Variants in SCUBE2 observed in about 807,000 individuals in gnomAD.
SCUBE2 encodes the protein signal peptide, CUB and EGF-like domain-containing protein 2.
Under a neutral mutation model 125.9 loss-of-function variants are expected in SCUBE2, and 114 were observed. That is an observed-to-expected ratio of 0.91 (90% CI 0.78 to 1.06). The LOEUF is 1.06. Among genes scored for constraint, SCUBE2 ranks in the 50% least tolerant of loss-of-function variants. The pLI, the probability that SCUBE2 is intolerant of heterozygous loss-of-function variation, is 0.00. For synonymous variants in SCUBE2, 459 were observed against 492.9 expected (o/e 0.93, Z 0.91); for missense variants, 1,255 against 1,301.8 (o/e 0.96, Z 0.55).
chr11:9,053,426 G>C (rs1858645232), intron 11 of SCUBE2, among the ~76,000 whole-genome samples: 1 of 152,246 alleles, frequency 6.6e-6, no homozygotes, highest in Non-Finnish European at 1.5e-5. Flanking sequence ...GAAAACAGAA[G>C]TGAGTTCCAA....
intron 21 of SCUBE2, 171 bp from the exon 22 acceptor site, chr11:9,022,126 A>C: frequency 3.6e-6 from 2 of 563,040 alleles, no homozygotes; most frequent in South Asian, 2.0e-5. Context: ...TCCCACCACC[A>C]CCTCTCTTCA....
chr11:9,054,138 G>A (rs958495461), intron 10 of SCUBE2, among the ~76,000 whole-genome samples: 8 of 151,672 alleles, frequency 5.3e-5, no homozygotes, highest in Admixed American at 6.6e-5. Flanking sequence ...CTGGGATTAC[G>A]GGCATGTGCC....
At position 9,050,699 on chromosome 11, in the gene SCUBE2, T is replaced by C; in HGVS notation, c.1546A>G (p.Ile516Val). 1 of 1,613,516 alleles carries C rather than the reference T, an allele frequency of 6.2e-7. No homozygotes were observed. Among genetic ancestry groups the C allele is most frequent in the Non-Finnish European group, 8.5e-7 (1 of 1,179,364 alleles). The change falls in exon 14 of 23, where the codon ATC (isoleucine) becomes GTC (valine). Residue 516 changes from isoleucine (I) to valine (V), a missense_variant. Physicochemically the swap from Ile to Val is conservative, Grantham distance 29. Transcript: ENST00000649792. The stretch of plus-strand genomic sequence containing the variant: ...AGCTTAAAGGTTACACTTGTCCTGA[T>C]GGTGGTGACATCTTCAGAAAGAAAC... ...NDSAFGDVTT[I>V]RTSVTFKLNE...
intron 13 of SCUBE2, among the ~76,000 whole-genome samples, chr11:9,051,589 C>T (rs183790204): frequency 3.9e-5 from 6 of 152,226 alleles, no homozygotes; most frequent in Non-Finnish European, 7.4e-5. Context: ...CTTAACCATC[C>T]GGTAGGATCT....
rs1405250945 is a variant in SCUBE2 at position 9,033,659 on chromosome 11, T to C, written c.2140A>G (p.Thr714Ala). 1 of 1,613,980 alleles carries C rather than the reference T, an allele frequency of 6.2e-7. No homozygotes were observed. Among genetic ancestry groups the C allele is most frequent in the South Asian group, 1.1e-5 (1 of 91,066 alleles). ...PRPGNSGALK[T>A]PEAWNMSECG... is the part of the protein sequence containing the mutation. ...TCAGACATATTCCAAGCTTCTGGGG[T>C]CTTCAGGGCCCCAGAATTTCCTGGT... The change falls in exon 17 of 23, where the codon ACC becomes GCC. Residue 714 changes from threonine to alanine, a missense_variant. Coordinates refer to ENST00000649792, the MANE Select transcript of SCUBE2 (RefSeq NM_001367977.2).
chr11:9,049,187 T>C (rs1858099205), intron 14 of SCUBE2, among the ~76,000 whole-genome samples: 1 of 152,224 alleles, frequency 6.6e-6, no homozygotes, highest in Non-Finnish European at 1.5e-5. Context: ...AACTAAGACA[T>C]TAACACTAGT....
intron 16 of SCUBE2, among the ~76,000 whole-genome samples, chr11:9,046,558 T>C (rs1275062230): frequency 6.6e-6 from 1 of 152,110 alleles, no homozygotes; most frequent in Non-Finnish European, 1.5e-5. Context: ...AGTGTAACCC[T>C]GAGAGGCCAG....
chr11:9,051,261 C>CCTATCTAT (rs1566200940), intron 13 of SCUBE2, among the ~76,000 whole-genome samples: 1 of 137,768 alleles, frequency 7.3e-6, no homozygotes. Context: ...TATCTATCTA[C>CCTATCTAT]CTATCTATCT....
chr11:9,027,630 C>A, intron 19 of SCUBE2, 69 bp from the exon 20 acceptor site: 1 of 1,404,130 alleles, frequency 7.1e-7, no homozygotes, highest in South Asian at 1.3e-5. Flanking sequence ...GCTAGCTTGC[C>A]GAGCCCCGCA....
chr11:9,082,674 C>T (rs1048073866), intron 2 of SCUBE2, among the ~76,000 whole-genome samples: 12 of 152,206 alleles, frequency 7.9e-5, no homozygotes, highest in African/African-American at 2.9e-4. Flanking sequence ...TAAGCTACCA[C>T]ATGGACAAAC....
chr11:9,086,935 C>G (rs1471209440), intron 2 of SCUBE2, among the ~76,000 whole-genome samples: 1 of 151,380 alleles, frequency 6.6e-6, no homozygotes, highest in Admixed American at 6.6e-5. Context: ...TCAAATTCTT[C>G]TAGGGTTTGA....
intron 3 of SCUBE2, among the ~76,000 whole-genome samples, chr11:9,076,219 C>A (rs1293948040): frequency 6.6e-6 from 1 of 152,004 alleles, no homozygotes; most frequent in Non-Finnish European, 1.5e-5. Flanking sequence ...CTGCCAGGGG[C>A]AGGGAGGAGG....
At chr11:9,022,843 C>G (rs1237137394) in intron 21 of SCUBE2, 2 of 152,240 alleles carry the variant, frequency 1.3e-5, no homozygotes, top group Non-Finnish European at 2.9e-5. Context: ...ATCAGGCTCT[C>G]CTTTCCCTCT....
chr11:9,053,904 G>A (rs550941385), intron 10 of SCUBE2, 145 bp from the exon 11 acceptor site: 33 of 942,542 alleles, frequency 3.5e-5, no homozygotes, highest in African/African-American at 3.2e-4. Flanking sequence ...TAGCATGAGC[G>A]CTCGGCACCA....
intron 5 of SCUBE2, among the ~76,000 whole-genome samples, chr11:9,068,381 C>T (rs893821054): frequency 6.6e-6 from 1 of 152,138 alleles, no homozygotes; most frequent in African/African-American, 2.4e-5. Context: ...TGGTGTAGGC[C>T]ACCCATTTAC....
chr11:9,065,573 G>A (rs1239898755), intron 7 of SCUBE2, among the ~76,000 whole-genome samples: 2 of 152,208 alleles, frequency 1.3e-5, no homozygotes, highest in Non-Finnish European at 2.9e-5. Context: ...CTAAGAGGTA[G>A]ACTTTATTAC....
Position 9,053,242 on chromosome 11 carries a change from A to G in SCUBE2, c.1331-27T>C, listed in dbSNP as rs778453811. ...TAGACAGGACAAAACAGACACTTAC[A>G]GAAAGAGAAGGACATTTCCAAGTGT... is the stretch of plus-strand genomic sequence containing the variant. On this transcript the variant is annotated intron_variant, in intron 11 of 22. Coordinates refer to ENST00000649792, the MANE Select transcript of SCUBE2 (RefSeq NM_001367977.2). The G allele has an allele frequency of 5.1e-6, 8 of 1,573,060 alleles. No homozygotes were observed. The South Asian group carries it at 5.5e-5, about 11-fold the overall frequency.
chr11:9,021,794 G>A (rs1400514717), intron 22 of SCUBE2, 82 bp downstream of exon 22: 1 of 1,026,116 alleles, frequency 9.7e-7, no homozygotes, highest in South Asian at 1.3e-5. Flanking sequence ...GTGGCAACAA[G>A]GAGCAGGAGG....
At chr11:9,088,927 T>C (rs1862368500) in intron 2 of SCUBE2, among the ~76,000 whole-genome samples, 1 of 152,202 alleles carries the variant, frequency 6.6e-6, no homozygotes, top group African/African-American at 2.4e-5. Context: ...ACAACTCCTC[T>C]GGCCCTCAGT....
Sources: gnomAD v4.1 joint callset for allele counts (sites outside exome capture counted in the v4.1 genomes callset) on GRCh38, gnomAD v4.1.1 for gene constraint, MANE v1.5 for transcripts, NCBI Gene and HGNC (gene_info 2026-07-23, HGNC 2026-07-21) for gene names.